The following PCDH7 variants were observed in gnomAD, a reference collection of about 807,000 sequenced individuals.
PCDH7 encodes protocadherin 7.
PCDH7 carries 17 observed loss-of-function variants against 58.9 expected under a neutral mutation model. The observed-to-expected ratio is 0.29, with a 90% CI of 0.20 to 0.43. The LOEUF is 0.43. Among genes scored for constraint, PCDH7 ranks in the 20% least tolerant of loss-of-function variants. The pLI is 1.00. For synonymous variants in PCDH7, 664 were observed against 616.4 expected, an observed-to-expected ratio of 1.08 and a Z score of -1.14; for missense variants, 1,274 against 1,441.0, an observed-to-expected ratio of 0.88 and a Z score of 1.88.
At chr4:31,087,763 AT>A (rs1560213043) in intron 3 of PCDH7, among the ~76,000 whole-genome samples, 1 of 152,148 alleles carries the variant, frequency 6.6e-6, no homozygotes, top group Non-Finnish European at 1.5e-5. Flanking sequence ...ATTCAGACGA[AT>A]TACATTAAAA....
At chr4:31,028,753 A>G (rs891087362) in intron 3 of PCDH7, among the ~76,000 whole-genome samples, 2 of 152,234 alleles carry the variant, frequency 1.3e-5, no homozygotes, top group African/African-American at 4.8e-5. Flanking sequence ...GTTCTTCATG[A>G]TGGATAATGC....
chr4:30,743,047 G>A (rs1560321918), intron 1 of PCDH7, among the ~76,000 whole-genome samples: 1 of 152,024 alleles, frequency 6.6e-6, no homozygotes, highest in African/African-American at 2.4e-5. Context: ...AAAAATCCAA[G>A]TGACACTTTG....
chr4:31,068,343 G>GA (rs1291338411), intron 3 of PCDH7, among the ~76,000 whole-genome samples: 7 of 150,578 alleles, frequency 4.6e-5, no homozygotes, highest in African/African-American at 1.7e-4. Context: ...AGAGAAAATA[G>GA]AAAAAAAATC....
At chr4:31,110,747 A>G (rs772805603) in intron 3 of PCDH7, among the ~76,000 whole-genome samples, 1 of 151,790 alleles carries the variant, frequency 6.6e-6, no homozygotes, top group Non-Finnish European at 1.5e-5. Context: ...AACTCTATCT[A>G]TACTAAAAAT....
chr4:31,054,901 T>C (rs1757025201), intron 3 of PCDH7, among the ~76,000 whole-genome samples: 1 of 152,220 alleles, frequency 6.6e-6, no homozygotes, highest in Admixed American at 6.5e-5. Flanking sequence ...ATGTTGAGTT[T>C]ATGAAATCTA....
At position 30,723,685 on chromosome 4, in the gene PCDH7, C is replaced by T; in HGVS notation, c.2263C>T (p.Pro755Ser). 2 of 1,614,128 alleles carry T rather than the reference C, an allele frequency of 1.2e-6. No individual in the cohort carries two copies. The highest frequency in any genetic ancestry group is 1.7e-6 in the Non-Finnish European group (2 of 1,180,016). Reference sequence around the variant, plus strand: ...AAACATTTCCTACACTTTACTGCCACCTTCGAGTAATGTCAGGACAGTAGT... The same window carrying T: ...AAACATTTCCTACACTTTACTGCCATCTTCGAGTAATGTCAGGACAGTAGT... The change falls in exon 1 of 2, where the codon CCT becomes TCT. Residue 755 changes from proline to serine, a missense_variant. This residue lies in a region of PCDH7 where 731 missense variants were observed against 881.9 expected (regional missense o/e 0.83). Coordinates refer to ENST00000361762, the Ensembl canonical transcript of PCDH7. The surrounding 1 kb of genome is among the most constrained non-coding windows in gnomAD (Gnocchi z 4.6).
At chr4:30,933,048 GAC>G (rs1744852510) in intron 2 of PCDH7, among the ~76,000 whole-genome samples, 1 of 148,394 alleles carries the variant, frequency 6.7e-6, no homozygotes, top group Admixed American at 6.8e-5. Context: ...TTTTTTTTGA[GAC>G]AGAGTCTTGC....
At chr4:30,813,207 C>T (rs150668937) in intron 1 of PCDH7, among the ~76,000 whole-genome samples, 10 of 152,154 alleles carry the variant, frequency 6.6e-5, no homozygotes, top group East Asian at 1.9e-4. Flanking sequence ...TTACTAAATA[C>T]GGAGATAGAT....
chr4:30,923,054 TG>T (rs1168817186), intron 2 of PCDH7, among the ~76,000 whole-genome samples: 1 of 152,306 alleles, frequency 6.6e-6, no homozygotes, highest in Non-Finnish European at 1.5e-5. Flanking sequence ...TGTAGTTTTT[TG>T]CTTGGCTAGG....
chr4:30,810,165 G>GA (rs1726787577), intron 1 of PCDH7, among the ~76,000 whole-genome samples: 1 of 152,056 alleles, frequency 6.6e-6, no homozygotes, highest in African/African-American at 2.4e-5. Flanking sequence ...TGTTCCATTA[G>GA]CACAGATGTT....
In PCDH7 at chr4:30,988,928, T is replaced by A. The variant is rs73815136; in HGVS notation, c.*7+38713T>A. The stretch of plus-strand genomic sequence containing the variant: ...ATTTTGAAGGCAAATCATTCAAGAT[T>A]TTTAGAAAAACTGACAGCTTGATTT... On this transcript the variant is annotated intron_variant, in intron 3 of 3. Coordinates refer to the PCDH7 transcript ENST00000509759. Among the ~76,000 whole-genome samples the A allele has an allele frequency of 4.5e-3, 691 of 152,290 alleles. 6 individuals carry two copies. The highest frequency in any genetic ancestry group is 0.016 in the African/African-American group (664 of 41,576).
intron 1 of PCDH7, among the ~76,000 whole-genome samples, chr4:30,741,650 G>T (rs1312922248): frequency 6.6e-6 from 1 of 152,210 alleles, no homozygotes; most frequent in Non-Finnish European, 1.5e-5. Flanking sequence ...CTCCCAGTTG[G>T]AAACAACCAA....
chr4:31,101,625 C>T (rs1292233159), intron 3 of PCDH7, among the ~76,000 whole-genome samples: 1 of 152,120 alleles, frequency 6.6e-6, no homozygotes, highest in African/African-American at 2.4e-5. Flanking sequence ...CTTAACAATA[C>T]GTGACTATTG....
chr4:30,865,814 A>G (rs371510364), intron 1 of PCDH7, among the ~76,000 whole-genome samples: 24 of 152,060 alleles, frequency 1.6e-4, no homozygotes, highest in African/African-American at 5.6e-4. Context: ...TGGCATACTT[A>G]TAGAGTATGT....
chr4:30,918,427 G>A (rs1742763207), intron 1 of PCDH7, among the ~76,000 whole-genome samples: 1 of 151,856 alleles, frequency 6.6e-6, no homozygotes, highest in Admixed American at 6.6e-5. Flanking sequence ...TTTAAATACA[G>A]GGTATTTACA....
chr4:31,137,848 G>C (rs1207777647), intron 3 of PCDH7, among the ~76,000 whole-genome samples: 1 of 152,130 alleles, frequency 6.6e-6, no homozygotes, highest in African/African-American at 2.4e-5. Flanking sequence ...AAACTCATTG[G>C]AAATATTTTA....
intron 1 of PCDH7, among the ~76,000 whole-genome samples, chr4:30,745,407 C>G (rs1357184518): frequency 2.6e-5 from 4 of 151,780 alleles, no homozygotes; most frequent in Non-Finnish European, 4.4e-5. Context: ...ATCATGTGTC[C>G]TATTAACACT....
At chr4:30,830,529 C>T (rs772451553) in intron 1 of PCDH7, among the ~76,000 whole-genome samples, 19 of 151,840 alleles carry the variant, frequency 1.3e-4, no homozygotes, top group Non-Finnish European at 2.1e-4. Context: ...CTTCACGCTC[C>T]TTTTGCTTTC....
At chr4:30,842,481 T>C (rs1404357057) in intron 1 of PCDH7, among the ~76,000 whole-genome samples, 2 of 152,184 alleles carry the variant, frequency 1.3e-5, no homozygotes, top group Non-Finnish European at 2.9e-5. Context: ...TTTTAAGTGC[T>C]TATAGTGGAA....
Sources: allele counts gnomAD v4.1 joint callset (sites outside exome capture counted in the v4.1 genomes callset), GRCh38; gene constraint gnomAD v4.1.1; regional missense constraint gnomAD v4.1.1; non-coding constraint Gnocchi (gnomAD v3.1); transcripts MANE v1.5; gene names NCBI Gene and HGNC (gene_info 2026-07-23, HGNC 2026-07-21).